SLCO4C1: variants seen among roughly 807,000 people sequenced by gnomAD.
SLCO4C1 encodes the protein solute carrier organic anion transporter family member 4C1.
In SLCO4C1, 58 loss-of-function variants were observed where a neutral mutation model predicts 72.1. The ratio of observed to expected loss-of-function variants is 0.80; its 90% CI spans 0.65 to 1.00. The LOEUF (loss-of-function observed/expected upper bound fraction) is 1.00, where lower values mean the gene tolerates loss of function less well. SLCO4C1 is among the 50% of genes least tolerant of loss of function. SLCO4C1 has a pLI of 0.00. For missense variants in SLCO4C1, 898 were observed against 857.9 expected (o/e 1.05, Z -0.58); for synonymous variants, 297 against 312.5 (o/e 0.95, Z 0.52).
chr5:102,255,270 T>A (rs1196013558), intron 8 of SLCO4C1, among the ~76,000 whole-genome samples: 2 of 152,186 alleles, frequency 1.3e-5, no homozygotes, highest in African/African-American at 4.8e-5. Context: ...CCATCACACA[T>A]GCCTTCCTTT....
In SLCO4C1 at chr5:102,247,364, CT is replaced by C; in HGVS notation, c.1698del (p.Ala567LeufsTer21). 6.3e-7 allele frequency: 1 copy of C among 1,597,020 alleles called. No individual in the cohort carries two copies. ...STAETFGFEA[K>X]AGKCETHCAK... ...GCACAATGAGTTTCACATTTTCCAG[CT>C]TTAGCTTCAAAACCAAAAGTTTCTG... On this transcript the variant is annotated frameshift_variant, in exon 10 of 13. Coordinates refer to ENST00000310954, the MANE Select transcript of SLCO4C1 (RefSeq NM_180991.5). LOFTEE classifies it high-confidence loss of function.
At chr5:102,250,289 A>G (rs1019065572) in intron 8 of SLCO4C1, among the ~76,000 whole-genome samples, 1 of 152,168 alleles carries the variant, frequency 6.6e-6, no homozygotes, top group Non-Finnish European at 1.5e-5. Flanking sequence ...CAGGGAGATT[A>G]AGTTACTTTT....
intron 12 of SLCO4C1, among the ~76,000 whole-genome samples, chr5:102,238,382 G>C (rs1363847492): frequency 6.6e-6 from 1 of 152,046 alleles, no homozygotes; most frequent in Non-Finnish European, 1.5e-5. Flanking sequence ...GTAAAGTAAT[G>C]GGATGATTAA....
intron 10 of SLCO4C1, among the ~76,000 whole-genome samples, chr5:102,246,750 A>C (rs1270633207): frequency 1.3e-5 from 2 of 152,178 alleles, no homozygotes; most frequent in Non-Finnish European, 2.9e-5. Flanking sequence ...TATGAAATGT[A>C]CAAGTATGGA....
chr5:102,281,916 GA>G (rs1241160442), intron 2 of SLCO4C1, among the ~76,000 whole-genome samples: 1 of 151,988 alleles, frequency 6.6e-6, no homozygotes, highest in Non-Finnish European at 1.5e-5. Context: ...ATCTATTCCA[GA>G]AAAATGAAAA....
intron 2 of SLCO4C1, among the ~76,000 whole-genome samples, chr5:102,287,261 C>T (rs1015242870): frequency 1.3e-5 from 2 of 151,950 alleles, no homozygotes; most frequent in Non-Finnish European, 2.9e-5. Context: ...TCAGATTTTT[C>T]GTTATAGATT....
intron 3 of SLCO4C1, 135 bp from the exon 4 acceptor site, chr5:102,263,915 A>T: frequency 6.3e-6 from 4 of 630,552 alleles, no homozygotes; most frequent in Non-Finnish European, 1.1e-5. Context: ...ATTTTCACTA[A>T]AACAATACCA....
intron 2 of SLCO4C1, among the ~76,000 whole-genome samples, chr5:102,283,269 A>G (rs1749389783): frequency 6.6e-6 from 1 of 151,888 alleles, no homozygotes; most frequent in South Asian, 2.1e-4. Context: ...CCTTATCACC[A>G]CATATGTATA....
At chr5:102,253,501 T>C (rs1748778442) in intron 8 of SLCO4C1, among the ~76,000 whole-genome samples, 1 of 151,558 alleles carries the variant, frequency 6.6e-6, no homozygotes, top group Non-Finnish European at 1.5e-5. Flanking sequence ...AGAGAAGAAG[T>C]GGGGCAAGTG....
chr5:102,294,057 C>A (rs1165229024), intron 1 of SLCO4C1, among the ~76,000 whole-genome samples: 5 of 152,144 alleles, frequency 3.3e-5, no homozygotes, highest in Non-Finnish European at 7.4e-5. Flanking sequence ...TGCAGGCATG[C>A]GCCACAATGC....
At chr5:102,281,930 A>G (rs1385141611) in intron 2 of SLCO4C1, among the ~76,000 whole-genome samples, 1 of 152,148 alleles carries the variant, frequency 6.6e-6, no homozygotes, top group African/African-American at 2.4e-5. Flanking sequence ...AATGAAAACT[A>G]TGTTCACACA....
intron 2 of SLCO4C1, among the ~76,000 whole-genome samples, chr5:102,282,618 T>C (rs1388322489): frequency 1.3e-5 from 2 of 152,034 alleles, no homozygotes; most frequent in Non-Finnish European, 2.9e-5. Context: ...GTCCAACACA[T>C]CTTCCAAGTA....
intron 10 of SLCO4C1, among the ~76,000 whole-genome samples, chr5:102,245,980 T>G (rs569296089): frequency 2.6e-5 from 4 of 152,000 alleles, no homozygotes; most frequent in Admixed American, 1.3e-4. Flanking sequence ...ATTGAAAAAT[T>G]TATTGAAACA....
Position 102,235,200 on chromosome 5 carries a change from A to G in SLCO4C1, c.*1658T>C, listed in dbSNP as rs906844458. ...ATTCTGCAAATTTCTAATGTTTCTA[A>G]TCTTGGTTTCCTACAAGATCTAACA... is the stretch of plus-strand genomic sequence containing the variant. On this transcript the variant is annotated 3_prime_UTR_variant, in exon 13 of 13. Transcript: ENST00000310954. 1 of 152,154 alleles carries G rather than the reference A, an allele frequency of 6.6e-6. No individual in the cohort carries two copies. The highest frequency in any genetic ancestry group is 1.5e-5 in the Non-Finnish European group (1 of 68,014). The allele number at this position is 152,154 out of a possible 1,614,324, so 9.4% of individuals were successfully genotyped here.
chr5:102,294,840 T>C (rs913673947), intron 1 of SLCO4C1, among the ~76,000 whole-genome samples: 3 of 152,228 alleles, frequency 2.0e-5, no homozygotes, highest in Non-Finnish European at 4.4e-5. Context: ...TACTTAGGCT[T>C]TGACTTAGTT....
intron 1 of SLCO4C1, among the ~76,000 whole-genome samples, chr5:102,294,544 CAAGAT>C (rs1257925367): frequency 6.6e-6 from 1 of 152,108 alleles, no homozygotes; most frequent in African/African-American, 2.4e-5. Flanking sequence ...AGATAATACA[CAAGAT>C]AAGACATTTT....
chr5:102,289,608 G>A (rs1309576641), intron 2 of SLCO4C1, among the ~76,000 whole-genome samples: 1 of 152,106 alleles, frequency 6.6e-6, no homozygotes, highest in East Asian at 1.9e-4. Flanking sequence ...ATTCCCTTAC[G>A]ATTTAGATTT....
At chr5:102,254,933 G>A (rs1748807241) in intron 8 of SLCO4C1, among the ~76,000 whole-genome samples, 1 of 152,048 alleles carries the variant, frequency 6.6e-6, no homozygotes, top group Non-Finnish European at 1.5e-5. Context: ...TTTCTTAGAT[G>A]AGACTAGTTT....
Position 102,249,629 on chromosome 5 carries a change from A to G in SLCO4C1, c.1620+9T>C. The stretch of plus-strand genomic sequence containing the variant: ...CCTCATTAAGGGAAAAGTAGGAGAC[A>G]TAAGCTACCTTTGGCTTCCTGTGTG... On this transcript the variant is annotated intron_variant, in intron 9 of 12. Transcript: ENST00000310954. 1 of 1,613,564 alleles carries G rather than the reference A, an allele frequency of 6.2e-7. No individual in the cohort carries two copies. The highest frequency in any genetic ancestry group is 8.5e-7 in the Non-Finnish European group (1 of 1,179,766).
Sources: gnomAD v4.1 joint callset for allele counts (sites outside exome capture counted in the v4.1 genomes callset) on GRCh38, gnomAD v4.1.1 for gene constraint, MANE v1.5 for transcripts, NCBI Gene and HGNC (gene_info 2026-07-23, HGNC 2026-07-21) for gene names.